Variants in HLCS observed in about 807,000 individuals in gnomAD.
HLCS encodes holocarboxylase synthetase, also known as biotin--protein ligase.
Under a neutral mutation model 75.0 loss-of-function variants are expected in HLCS, and 53 were observed. The ratio of observed to expected loss-of-function variants is 0.71; its 90% CI spans 0.57 to 0.89. The LOEUF is 0.89. Ranked by LOEUF, HLCS falls within the 40% of genes least tolerant of loss-of-function variation. HLCS has a pLI of 0.00. For missense variants in HLCS, 966 were observed against 1,074.0 expected (o/e 0.90, Z 1.41); for synonymous variants, 431 against 428.6 (o/e 1.01, Z -0.07).
intron 6 of HLCS, among the ~76,000 whole-genome samples, chr21:36,826,556 T>C (rs1158792816): frequency 6.6e-6 from 1 of 152,216 alleles, no homozygotes; most frequent in Non-Finnish European, 1.5e-5. Context: ...TTAAATCCCT[T>C]TCTGTTCAGA....
At position 36,882,099 on chromosome 21, in the gene HLCS, G is replaced by A. The variant is rs770081301; in HGVS notation, c.1892+14761C>T. Among the ~76,000 whole-genome samples, 212 of 152,090 alleles carry A rather than the reference G, an allele frequency of 1.4e-3. 1 individual carries two copies. Among genetic ancestry groups the A allele is most frequent in the Admixed American group, 2.6e-3 (40 of 15,292 alleles). ...TCATCGAGATCATCCTGGCTAACACGGTGAAACCCCGTCTCTACTAAAAAT... is the reference window on the plus strand; with the variant it reads ...TCATCGAGATCATCCTGGCTAACACAGTGAAACCCCGTCTCTACTAAAAAT... On this transcript the variant is annotated intron_variant, in intron 6 of 10. Transcript: ENST00000674895.
Position 36,936,443 on chromosome 21 carries a change from G to C in HLCS, c.1437+6C>G, listed in dbSNP as rs753477524. On this transcript the variant is annotated splice_donor_region_variant and intron_variant, in intron 4 of 10. Coordinates refer to ENST00000674895, the MANE Select transcript of HLCS (RefSeq NM_001352514.2). Reference sequence around the variant, plus strand: ...AAGATCACCAAATCCATGCTGCCCTGAGTACCTGGCAAAGAACAGCTTCTC... The same window carrying C: ...AAGATCACCAAATCCATGCTGCCCTCAGTACCTGGCAAAGAACAGCTTCTC... The C allele has an allele frequency of 4.3e-6, 7 of 1,610,798 alleles. No homozygotes were observed. Among genetic ancestry groups the C allele is most frequent in the Non-Finnish European group, 5.1e-6 (6 of 1,176,976 alleles).
chr21:36,893,530 A>T (rs1003168454), intron 6 of HLCS, among the ~76,000 whole-genome samples: 4 of 152,142 alleles, frequency 2.6e-5, no homozygotes, highest in Non-Finnish European at 4.4e-5. Flanking sequence ...CCTTTTTGGC[A>T]CCAGGGTCCG....
At chr21:36,881,672 G>C (rs1386018971) in intron 6 of HLCS, among the ~76,000 whole-genome samples, 2 of 152,326 alleles carry the variant, frequency 1.3e-5, no homozygotes, top group Non-Finnish European at 2.9e-5. Context: ...TAATCCAGAT[G>C]ATCAGCCAGA....
intron 1 of HLCS, among the ~76,000 whole-genome samples, chr21:36,976,833 T>C (rs545892679): frequency 6.6e-6 from 1 of 150,422 alleles, no homozygotes; most frequent in East Asian, 2.0e-4. Context: ...CTTAAGCAAA[T>C]TATCTCATCT....
intron 6 of HLCS, among the ~76,000 whole-genome samples, chr21:36,849,489 C>A (rs938574128): frequency 2.0e-5 from 3 of 152,186 alleles, no homozygotes; most frequent in African/African-American, 7.2e-5. Flanking sequence ...AGAAAAGGAG[C>A]CCCTGGGGGC....
At chr21:36,986,837 A>G (rs1298250684) in intron 1 of HLCS, 1 of 152,220 alleles carries the variant, frequency 6.6e-6, no homozygotes, top group African/African-American at 2.4e-5. Flanking sequence ...ATAACTTGCT[A>G]CCTTCAGACT....
At chr21:36,961,725 A>G (rs1197339965) in intron 2 of HLCS, among the ~76,000 whole-genome samples, 1 of 152,046 alleles carries the variant, frequency 6.6e-6, no homozygotes, top group Non-Finnish European at 1.5e-5. Context: ...AGGCCGAGGC[A>G]GGTGGATCAC....
In HLCS at chr21:36,985,769, GAA is replaced by G. The variant is rs781350642; in HGVS notation, c.-393+4387_-393+4388del. ...TGACAGAGTGAGACTTGGTCTTGGG[GAA>G]AAAAAAAAAAAAAGTTAGCCCCATT... On this transcript the variant is annotated intron_variant, in intron 1 of 11. Coordinates refer to the HLCS transcript ENST00000336648. Among the ~76,000 whole-genome samples, 628 of 116,822 alleles carry G rather than the reference GAA, an allele frequency of 5.4e-3. 5 individuals are homozygous for G. Among genetic ancestry groups the G allele is most frequent in the African/African-American group, 0.019 (601 of 31,342 alleles). 76.6% of individuals were successfully genotyped at this position (116,822 alleles called of 152,430 possible).
At chr21:36,831,035 C>T (rs914490609) in intron 6 of HLCS, among the ~76,000 whole-genome samples, 7 of 152,116 alleles carry the variant, frequency 4.6e-5, no homozygotes, top group African/African-American at 1.7e-4. Flanking sequence ...TGCTGATAAC[C>T]ACCTTTATTT....
chr21:36,922,398 C>A (rs1471068001), intron 5 of HLCS, among the ~76,000 whole-genome samples: 1 of 152,216 alleles, frequency 6.6e-6, no homozygotes, highest in East Asian at 1.9e-4. Context: ...AAAGAAAAGA[C>A]CCACGACACC....
chr21:36,966,705 C>G (rs1045369524), upstream of HLCS: 5,950 of 844,078 alleles, frequency 7.0e-3, 32 homozygotes, highest in Non-Finnish European at 7.9e-3. Context: ...CCGGCCCCGC[C>G]CCGGCCGGAA....
chr21:36,773,234 G>A (rs971051670), intron 6 of HLCS, among the ~76,000 whole-genome samples: 3 of 152,166 alleles, frequency 2.0e-5, no homozygotes, highest in Non-Finnish European at 4.4e-5. Flanking sequence ...CTAGTTGGTG[G>A]AGCAATCTCC....
intron 6 of HLCS, among the ~76,000 whole-genome samples, chr21:36,789,084 T>G (rs968642101): frequency 2.6e-5 from 4 of 152,218 alleles, no homozygotes; most frequent in African/African-American, 9.7e-5. Flanking sequence ...AGACAGACTC[T>G]CATTCTGTTG....
chr21:36,887,890 CA>C (rs1189713591), intron 6 of HLCS, among the ~76,000 whole-genome samples: 4 of 152,210 alleles, frequency 2.6e-5, no homozygotes, highest in African/African-American at 9.7e-5. Flanking sequence ...TAACACAATA[CA>C]GGCATTAATA....
chr21:36,822,104 T>C (rs2061860920), intron 6 of HLCS, among the ~76,000 whole-genome samples: 1 of 152,144 alleles, frequency 6.6e-6, no homozygotes, highest in African/African-American at 2.4e-5. Context: ...TATATCTTCC[T>C]TGTAAGTAAG....
intron 8 of HLCS, among the ~76,000 whole-genome samples, chr21:36,764,032 T>C (rs1277115653): frequency 6.6e-6 from 1 of 152,224 alleles, no homozygotes; most frequent in Non-Finnish European, 1.5e-5. Context: ...AAATAACCCT[T>C]TTCAACAGAA....
Position 36,910,546 on chromosome 21 carries a change from G to GGA in HLCS, c.1621-13416_1621-13415insTC, listed in dbSNP as rs373039890. 1.0e-4 allele frequency among the ~76,000 whole-genome samples: 15 copies of GGA among 144,178 alleles called. No homozygotes were observed. The South Asian group carries it at 2.4e-3, about 23-fold the overall frequency. 94.6% of individuals were successfully genotyped at this position (144,178 alleles called of 152,430 possible). A position where few individuals can be genotyped will look rare whatever the true frequency, so the allele number is the denominator to read the frequency against. ...GGGGGACAGGGCAAGACTCTGTATG[G>GGA]AAAAAAAAAAAAATGGCGCTCCTGA... On this transcript the variant is annotated intron_variant, in intron 5 of 10. Coordinates refer to ENST00000674895, the MANE Select transcript of HLCS (RefSeq NM_001352514.2).
intron 6 of HLCS, among the ~76,000 whole-genome samples, chr21:36,874,954 C>G (rs1196454125): frequency 6.6e-6 from 1 of 152,206 alleles, no homozygotes; most frequent in East Asian, 1.9e-4. Flanking sequence ...GCACCCACTT[C>G]AGTGCAAAGT....
Sources: allele counts gnomAD v4.1 joint callset (sites outside exome capture counted in the v4.1 genomes callset), GRCh38; gene constraint gnomAD v4.1.1; transcripts MANE v1.5; gene names NCBI Gene and HGNC (gene_info 2026-07-23, HGNC 2026-07-21).